Variants in FGF12 observed in about 807,000 individuals in gnomAD.
FGF12 encodes fibroblast growth factor 12, also known as fibroblast growth factor 12B.
Under a neutral mutation model 23.6 loss-of-function variants are expected in FGF12, and 14 were observed. The observed-to-expected ratio is 0.59, with a 90% CI of 0.39 to 0.93. FGF12 has a LOEUF of 0.93. Among genes scored for constraint, FGF12 ranks in the 40% least tolerant of loss-of-function variants. FGF12 has a pLI of 0.00. For synonymous variants in FGF12, 62 were observed against 77.3 expected (o/e 0.80, Z 1.04); for missense variants, 175 against 217.8 (o/e 0.80, Z 1.24).
intron 2 of FGF12, among the ~76,000 whole-genome samples, chr3:192,485,874 T>C (rs1010239443): frequency 2.6e-5 from 4 of 152,202 alleles, no homozygotes; most frequent in Non-Finnish European, 5.9e-5. Context: ...CTAATTTAGA[T>C]TGAATTGTCT....
At position 192,143,207 on chromosome 3, in the gene FGF12, T is replaced by G. The variant is rs1466343678; in HGVS notation, c.*802A>C. Reference sequence around the variant, plus strand: ...CACTTCAGCATTAGAACAGTAATGTTTTTGCTAAATTACTAAAAAAAAAAA... The same window carrying G: ...CACTTCAGCATTAGAACAGTAATGTGTTTGCTAAATTACTAAAAAAAAAAA... On this transcript the variant is annotated 3_prime_UTR_variant, in exon 6 of 6. Coordinates refer to ENST00000445105, the MANE Select transcript of FGF12 (RefSeq NM_004113.6). The G allele has an allele frequency of 6.7e-6, 1 of 149,948 alleles. No homozygotes were observed. The highest frequency in any genetic ancestry group is 1.5e-5 in the Non-Finnish European group (1 of 67,552). The allele number at this position is 149,948 out of a possible 1,614,324, so 9.3% of individuals were successfully genotyped here.
chr3:192,580,596 G>A (rs758611050), intron 2 of FGF12, among the ~76,000 whole-genome samples: 6 of 152,030 alleles, frequency 3.9e-5, no homozygotes, highest in Non-Finnish European at 5.9e-5. Flanking sequence ...AGATTTTTTT[G>A]TTGTTGTTGT....
intron 2 of FGF12, among the ~76,000 whole-genome samples, chr3:192,511,997 A>T (rs1002275045): frequency 6.6e-6 from 1 of 152,186 alleles, no homozygotes; most frequent in African/African-American, 2.4e-5. Context: ...CTTAAATAAA[A>T]TATCAAAATG....
At chr3:192,334,687 T>C (rs138697775) in intron 4 of FGF12, among the ~76,000 whole-genome samples, 1 of 152,090 alleles carries the variant, frequency 6.6e-6, no homozygotes, top group Non-Finnish European at 1.5e-5. Flanking sequence ...AGTTTGGGAT[T>C]TGAAAGACAT....
At chr3:192,389,098 G>A (rs925165864) in intron 2 of FGF12, among the ~76,000 whole-genome samples, 5 of 152,174 alleles carry the variant, frequency 3.3e-5, no homozygotes, top group Admixed American at 6.5e-5. Context: ...GGTGGCTCAC[G>A]CCTGTAATCC....
At chr3:192,640,461 T>C (rs928213478) in intron 2 of FGF12, among the ~76,000 whole-genome samples, 7 of 152,156 alleles carry the variant, frequency 4.6e-5, no homozygotes, top group Non-Finnish European at 5.9e-5. Flanking sequence ...TAAGTAAAGA[T>C]GAACTCCAAC....
chr3:192,712,864 C>A (rs1718740414), intron 2 of FGF12, among the ~76,000 whole-genome samples: 1 of 151,884 alleles, frequency 6.6e-6, no homozygotes, highest in Non-Finnish European at 1.5e-5. Flanking sequence ...GAAAAAGAGA[C>A]CCTGGGACCA....
At chr3:192,705,734 G>GACTT (rs1718447423) in intron 2 of FGF12, among the ~76,000 whole-genome samples, 1 of 152,138 alleles carries the variant, frequency 6.6e-6, no homozygotes, top group South Asian at 2.1e-4. Context: ...GGTGCCAATA[G>GACTT]ACTTGCTCAA....
intron 2 of FGF12, among the ~76,000 whole-genome samples, chr3:192,674,216 A>G (rs777247812): frequency 7.2e-6 from 1 of 138,510 alleles, no homozygotes; most frequent in Admixed American, 7.2e-5. Context: ...GCTGCTTTGT[A>G]TCTAATCAAA....
At chr3:192,338,353 T>C (rs1444500704) in intron 3 of FGF12, among the ~76,000 whole-genome samples, 1 of 152,146 alleles carries the variant, frequency 6.6e-6, no homozygotes, top group East Asian at 1.9e-4. Flanking sequence ...CTTTTTGTTC[T>C]TTTAATTTCC....
chr3:192,214,645 A>T (rs1274492571), intron 4 of FGF12, among the ~76,000 whole-genome samples: 1 of 152,232 alleles, frequency 6.6e-6, no homozygotes, highest in African/African-American at 2.4e-5. Context: ...CACGAGCAGA[A>T]ATAAGCATGG....
At chr3:192,385,563 C>CCT (rs1720004737) in intron 2 of FGF12, among the ~76,000 whole-genome samples, 1 of 152,138 alleles carries the variant, frequency 6.6e-6, no homozygotes. Flanking sequence ...AATTCACCCC[C>CCT]CCCAGCTCAT....
At chr3:192,374,154 C>G (rs1719367484) in intron 2 of FGF12, among the ~76,000 whole-genome samples, 1 of 152,144 alleles carries the variant, frequency 6.6e-6, no homozygotes, top group Non-Finnish European at 1.5e-5. Context: ...ATCAAAAATA[C>G]AAAAACATTG....
At position 192,365,186 on chromosome 3, in the gene FGF12, C is replaced by A. The variant is rs73193566; in HGVS notation, c.14-4648G>T. Reference sequence around the variant, plus strand: ...TGATGTGATTACTATGCATCATAGGCCCGTTTCGAAATATCACTTGTACCC... The same window carrying A: ...TGATGTGATTACTATGCATCATAGGACCGTTTCGAAATATCACTTGTACCC... On this transcript the variant is annotated intron_variant, in intron 2 of 5. Coordinates refer to ENST00000445105, the MANE Select transcript of FGF12 (RefSeq NM_004113.6). Among the ~76,000 whole-genome samples the A allele has an allele frequency of 9.4e-3, 1,425 of 151,736 alleles. 11 individuals carry two copies. The highest frequency in any genetic ancestry group is 0.017 in the Middle Eastern group (5 of 294).
chr3:192,568,528 G>C (rs1273935795), intron 2 of FGF12, among the ~76,000 whole-genome samples: 1 of 152,134 alleles, frequency 6.6e-6, no homozygotes, highest in Non-Finnish European at 1.5e-5. Flanking sequence ...AGTCAAAAGC[G>C]TTCTTGGTCT....
intron 4 of FGF12, among the ~76,000 whole-genome samples, chr3:192,259,018 A>C (rs1315907724): frequency 6.6e-6 from 1 of 151,258 alleles, no homozygotes; most frequent in Admixed American, 6.6e-5. Context: ...AACACATCCT[A>C]ATAGAGAATA....
At chr3:192,527,976 T>A (rs1724992832) in intron 2 of FGF12, among the ~76,000 whole-genome samples, 1 of 151,948 alleles carries the variant, frequency 6.6e-6, no homozygotes, top group South Asian at 2.1e-4. Flanking sequence ...TCCCACTGGG[T>A]CCCTCCCACA....
intron 2 of FGF12, among the ~76,000 whole-genome samples, chr3:192,675,589 G>A (rs140622981): frequency 6.6e-6 from 1 of 152,176 alleles, no homozygotes; most frequent in East Asian, 1.9e-4. Flanking sequence ...AGCCTAAGAA[G>A]GGAGCAGAAT....
intron 4 of FGF12, among the ~76,000 whole-genome samples, chr3:192,273,773 G>A (rs1425225738): frequency 6.6e-6 from 1 of 152,122 alleles, no homozygotes; most frequent in Non-Finnish European, 1.5e-5. Context: ...ATAATAGATA[G>A]GAGGATTCAA....
Sources: gnomAD v4.1 joint callset for allele counts (sites outside exome capture counted in the v4.1 genomes callset) on GRCh38, gnomAD v4.1.1 for gene constraint, MANE v1.5 for transcripts, NCBI Gene and HGNC (gene_info 2026-07-23, HGNC 2026-07-21) for gene names.